Variants in WASHC4 observed in about 807,000 individuals in gnomAD.
WASHC4 encodes WASH complex subunit 4.
WASHC4 carries 86 observed loss-of-function variants against 166.6 expected under a neutral mutation model. That is an observed-to-expected ratio of 0.52 (90% CI 0.43 to 0.62). The LOEUF (loss-of-function observed/expected upper bound fraction) is 0.62. WASHC4 is among the 20% of genes least tolerant of loss of function. The pLI, the probability that WASHC4 is intolerant of heterozygous loss-of-function variation, is 0.00. For synonymous variants in WASHC4, 446 were observed against 451.6 expected (o/e 0.99, Z 0.16); for missense variants, 1,262 against 1,382.4 (o/e 0.91, Z 1.38).
Position 105,120,559 on chromosome 12 carries a change from G to A in WASHC4, c.523G>A (p.Ala175Thr), listed in dbSNP as rs1335698873. The change falls in exon 8 of 33, where the codon GCA becomes ACA. Residue 175 changes from alanine to threonine, a missense_variant. Physicochemically the swap from Ala to Thr is moderately conservative, Grantham distance 58. Transcript: ENST00000332180. Reference sequence around the variant, plus strand: ...TTGGTTGTTATTTTATTATAGGATTGCACCCAAAATTATAGAGACAACTGG... The same window carrying A: ...TTGGTTGTTATTTTATTATAGGATTACACCCAAAATTATAGAGACAACTGG... ...LAALYISNKIAPKIIETTGVH... is the reference protein window; with the variant it reads ...LAALYISNKITPKIIETTGVH... 6.3e-7 allele frequency: 1 copy of A among 1,595,260 alleles called. No homozygotes were observed. The highest frequency in any genetic ancestry group is 1.1e-5 in the South Asian group (1 of 90,642).
chr12:105,148,985 A>C, intron 24 of WASHC4: 4 of 984,288 alleles, frequency 4.1e-6, no homozygotes, highest in Non-Finnish European at 4.8e-6. Context: ...ACATGTACTT[A>C]ACATTCTGAG....
rs190352947 is a variant in WASHC4, at chr12:105,160,055, A to G, written c.2967A>G (p.Glu989=). Reference sequence around the variant, plus strand: ...CACGAAATTCTGCCGAAGGCACAGAATATTTCAAAATGCTTGTAGACGTTT... The same window carrying G: ...CACGAAATTCTGCCGAAGGCACAGAGTATTTCAAAATGCTTGTAGACGTTT... ...DHTRNSAEGT[E]YFKMLVDVFA... The change falls in exon 29 of 33, where the codon GAA becomes GAG. Residue 989 remains glutamate (E), a synonymous_variant. Coordinates refer to ENST00000332180, the MANE Select transcript of WASHC4 (RefSeq NM_015275.3). The G allele has an allele frequency of 1.7e-4, 275 of 1,614,010 alleles. 1 individual carries two copies. In the African/African-American group the frequency reaches 2.9e-3, roughly 17 times the overall value.
At chr12:105,149,810 A>G (rs1329947028) in intron 25 of WASHC4, 61 bp downstream of exon 25, 3 of 1,473,414 alleles carry the variant, frequency 2.0e-6, no homozygotes, top group Non-Finnish European at 1.8e-6. Flanking sequence ...GCAAATGTGT[A>G]TGCTAAAATT....
In WASHC4 at chr12:105,162,805, T is replaced by A. The variant is rs749895872; in HGVS notation, c.3117T>A (p.Asn1039Lys). 2.5e-6 allele frequency: 4 copies of A among 1,604,100 alleles called. No homozygotes were observed. Among genetic ancestry groups the A allele is most frequent in the Admixed American group, 1.7e-5 (1 of 59,964 alleles). Residue 1039 changes from asparagine (N) to lysine (K), a missense_variant, in exon 30 of 33, where the codon AAT becomes AAA. Transcript: ENST00000332180. ...GCAAGGAAAAATTAAATAAAAAAAA[T>A]AAAATTGGAGCTGCCTTTACTGATG... is the stretch of plus-strand genomic sequence containing the variant. The part of the protein sequence containing the change: ...ISCKEKLNKK[N>K]KIGAAFTDDG...
At chr12:105,118,336 T>C in intron 6 of WASHC4, 110 bp from the exon 7 acceptor site, 1 of 810,544 alleles carries the variant, frequency 1.2e-6, no homozygotes, top group Admixed American at 1.9e-5. Flanking sequence ...AACTGGAGGC[T>C]TTATTGGAAA....
At chr12:105,146,646 A>C in intron 23 of WASHC4, 120 bp downstream of exon 23, 2 of 673,294 alleles carry the variant, frequency 3.0e-6, no homozygotes, top group Non-Finnish European at 5.3e-6. Context: ...ATTGTTTTCG[A>C]GGCCTTGTTT....
chr12:105,128,542 T>C (rs1352369479), intron 13 of WASHC4, among the ~76,000 whole-genome samples: 2 of 152,242 alleles, frequency 1.3e-5, no homozygotes, highest in Non-Finnish European at 2.9e-5. Flanking sequence ...ACAGGTTGAG[T>C]ATCCCTAATT....
intron 30 of WASHC4, among the ~76,000 whole-genome samples, 160 bp from the exon 31 acceptor site, chr12:105,163,951 A>G (rs1464154863): frequency 2.0e-5 from 3 of 152,224 alleles, no homozygotes; most frequent in Non-Finnish European, 2.9e-5. Context: ...TGTTAAACCC[A>G]TCATTCATTT....
chr12:105,164,207 G>T lies in WASHC4; in HGVS notation c.3254G>T (p.Arg1085Ile). 6.2e-7 allele frequency: 1 copy of T among 1,613,986 alleles called. No individual in the cohort carries two copies. The highest frequency in any genetic ancestry group is 8.5e-7 in the Non-Finnish European group (1 of 1,179,876). The change falls in exon 31 of 33, where the codon AGA (arginine) becomes ATA (isoleucine). Residue 1085 changes from arginine (R) to isoleucine (I), a missense_variant. Arg to Ile is a moderately conservative substitution (Grantham distance 97). Coordinates refer to ENST00000332180, the MANE Select transcript of WASHC4 (RefSeq NM_015275.3). Reference sequence around the variant, plus strand: ...AGAGAGAAATACCTGAAGGAGATAAGAGCAGTTGCTAAGCAACAGAATGTA... The same window carrying T: ...AGAGAGAAATACCTGAAGGAGATAATAGCAGTTGCTAAGCAACAGAATGTA... ...SVREKYLKEI[R>I]AVAKQQNVQS...
At chr12:105,151,953 G>T (rs1405383006) in intron 25 of WASHC4, among the ~76,000 whole-genome samples, 1 of 152,158 alleles carries the variant, frequency 6.6e-6, no homozygotes, top group African/African-American at 2.4e-5. Context: ...TTTTAACCCA[G>T]CTGACGTGTG....
chr12:105,165,291 G>T (rs145412734), intron 32 of WASHC4, among the ~76,000 whole-genome samples: 126 of 152,312 alleles, frequency 8.3e-4, no homozygotes, highest in Middle Eastern at 6.8e-3. Context: ...TCTGTCCATT[G>T]TATTCTATGT....
intron 13 of WASHC4, among the ~76,000 whole-genome samples, chr12:105,129,201 C>G (rs374514839): frequency 6.6e-6 from 1 of 152,104 alleles, no homozygotes; most frequent in African/African-American, 2.4e-5. Flanking sequence ...GCTTCAGCCT[C>G]CCAAACTGCT....
At chr12:105,120,053 G>A (rs1306728291) in intron 7 of WASHC4, among the ~76,000 whole-genome samples, 1 of 152,148 alleles carries the variant, frequency 6.6e-6, no homozygotes, top group African/African-American at 2.4e-5. Context: ...GCAATATAGC[G>A]AGACCCCCTT....
At chr12:105,151,757 G>T (rs187222893) in intron 25 of WASHC4, among the ~76,000 whole-genome samples, 2 of 152,324 alleles carry the variant, frequency 1.3e-5, no homozygotes, top group East Asian at 3.9e-4. Flanking sequence ...TGGGATTACA[G>T]GCATGAGCCA....
intron 1 of WASHC4, among the ~76,000 whole-genome samples, chr12:105,109,423 G>A (rs1180200662): frequency 6.6e-6 from 1 of 152,158 alleles, no homozygotes; most frequent in Non-Finnish European, 1.5e-5. Context: ...AGTGCAGTCT[G>A]TTGACAAAGA....
chr12:105,139,425 GTATA>G (rs71069791), intron 15 of WASHC4, among the ~76,000 whole-genome samples: 8,393 of 103,254 alleles, frequency 0.081, 858 homozygotes, highest in African/African-American at 0.25. Context: ...ATGTGTGTGT[GTATA>G]TATATATATA....
At chr12:105,126,978 A>G (rs1242720124) in intron 12 of WASHC4, 151 bp from the exon 13 acceptor site, 4 of 671,682 alleles carry the variant, frequency 6.0e-6, no homozygotes, top group Non-Finnish European at 1.0e-5. Flanking sequence ...CCACAGTGAA[A>G]GATATTTGTC....
chr12:105,144,243 A>C, intron 20 of WASHC4, 44 bp from the exon 21 acceptor site: 2 of 1,493,960 alleles, frequency 1.3e-6, no homozygotes, highest in Non-Finnish European at 1.9e-6. Context: ...ATACAATTGC[A>C]ATATCATTTT....
chr12:105,137,743 T>A (rs1882444508), intron 14 of WASHC4, 143 bp from the exon 15 acceptor site: 1 of 644,958 alleles, frequency 1.6e-6, no homozygotes, highest in South Asian at 1.8e-5. Flanking sequence ...AGGAAGAGTA[T>A]TTCCAAATCT....
Sources: allele counts gnomAD v4.1 joint callset (sites outside exome capture counted in the v4.1 genomes callset), GRCh38; gene constraint gnomAD v4.1.1; transcripts MANE v1.5; gene names NCBI Gene and HGNC (gene_info 2026-07-23, HGNC 2026-07-21).